BLTP1: variants seen among roughly 807,000 people sequenced by gnomAD.
BLTP1 encodes the protein fragile site-associated protein.
chr4:122,327,365 G>C, the BLTP1 span, among the ~76,000 whole-genome samples: 1 of 151,750 alleles, frequency 6.6e-6, no homozygotes, highest in South Asian at 2.1e-4. Context: ...ATAATGCCTA[G>C]TAGTACACTT....
chr4:122,200,033 A>G, the BLTP1 span: 2 of 975,642 alleles, frequency 2.0e-6, no homozygotes, highest in Admixed American at 6.2e-5. Context: ...CTGCTATGTA[A>G]AATGGTTAAT....
At chr4:122,336,066 T>G in the BLTP1 span, 1 of 654,038 alleles carries the variant, frequency 1.5e-6, no homozygotes, top group Non-Finnish European at 2.5e-6. Flanking sequence ...CCTGCTACTT[T>G]TATTATTTTC....
chr4:122,324,681 C>G, the BLTP1 span: 1 of 582,174 alleles, frequency 1.7e-6, no homozygotes, highest in Non-Finnish European at 2.8e-6. Context: ...TGGATACTAT[C>G]AAACTCAGAA....
At chr4:122,330,462 C>T in the BLTP1 span, among the ~76,000 whole-genome samples, 1 of 151,872 alleles carries the variant, frequency 6.6e-6, no homozygotes, top group Non-Finnish European at 1.5e-5. Flanking sequence ...TTTTGGTTTG[C>T]ATTTCCTTGA....
the BLTP1 span, chr4:122,189,998 A>G: frequency 3.2e-6 from 5 of 1,574,262 alleles, no homozygotes; most frequent in Non-Finnish European, 4.3e-6. Context: ...ACCTTCTTAT[A>G]GACCACCGAG....
At chr4:122,324,756 A>G in the BLTP1 span, among the ~76,000 whole-genome samples, 1 of 152,108 alleles carries the variant, frequency 6.6e-6, no homozygotes, top group Middle Eastern at 3.4e-3. Flanking sequence ...TTAGTAATGA[A>G]GTACGCTGCT....
chr4:122,232,837 A>T, the BLTP1 span, among the ~76,000 whole-genome samples: 52 of 152,238 alleles, frequency 3.4e-4, no homozygotes, highest in African/African-American at 1.1e-3. Context: ...TGTCATACCC[A>T]GCAGGAACAT....
the BLTP1 span, chr4:122,187,882 T>TA: frequency 5.8e-6 from 9 of 1,553,002 alleles, no homozygotes; most frequent in Admixed American, 2.1e-5. Context: ...TCTGTTTATT[T>TA]TTTTTTTTTT....
the BLTP1 span, among the ~76,000 whole-genome samples, chr4:122,285,726 G>A: frequency 2.6e-5 from 4 of 152,292 alleles, no homozygotes; most frequent in East Asian, 5.8e-4. Context: ...ATGTTTGAGT[G>A]GAGAGAATTG....
chr4:122,272,213 G>A, the BLTP1 span: 6 of 1,613,122 alleles, frequency 3.7e-6, no homozygotes, highest in Non-Finnish European at 4.2e-6. Context: ...GAATGAACAA[G>A]ACAACAGCAG....
chr4:122,236,824 A>T, the BLTP1 span: 1 of 985,152 alleles, frequency 1.0e-6, no homozygotes, highest in African/African-American at 1.7e-5. Flanking sequence ...CTTAGTAGTG[A>T]GTTGTAATTG....
At chr4:122,152,404 G>C in the BLTP1 span, 2 of 985,930 alleles carry the variant, frequency 2.0e-6, no homozygotes, top group African/African-American at 1.7e-5. Context: ...GCTGCGGCCA[G>C]GGTCTGGACC....
At chr4:122,348,888 T>C in the BLTP1 span, 13 of 549,292 alleles carry the variant, frequency 2.4e-5, no homozygotes, top group South Asian at 3.4e-5. Flanking sequence ...GATACTGCAA[T>C]ATAAAACATC....
the BLTP1 span, among the ~76,000 whole-genome samples, chr4:122,243,275 A>G: frequency 6.6e-6 from 1 of 152,254 alleles, no homozygotes; most frequent in African/African-American, 2.4e-5. Flanking sequence ...GTAACTTGGC[A>G]TATCAAAATT....
At chr4:122,322,664 G>A in the BLTP1 span, among the ~76,000 whole-genome samples, 1 of 152,136 alleles carries the variant, frequency 6.6e-6, no homozygotes, top group Non-Finnish European at 1.5e-5. Flanking sequence ...GTCAGGGTAA[G>A]AGAAGCATTT....
chr4:122,274,502 A>G, the BLTP1 span: 1 of 1,550,650 alleles, frequency 6.4e-7, no homozygotes, highest in Non-Finnish European at 8.6e-7. Context: ...TTCTTTGGAT[A>G]AACATGCTGA....
chr4:122,245,268 A>G, the BLTP1 span: 1 of 722,904 alleles, frequency 1.4e-6, no homozygotes, highest in Non-Finnish European at 2.3e-6. Flanking sequence ...AAGCGTTTAT[A>G]TGTCATTGGC....
chr4:122,194,224 A>G, the BLTP1 span, among the ~76,000 whole-genome samples: 1 of 152,180 alleles, frequency 6.6e-6, no homozygotes, highest in Non-Finnish European at 1.5e-5. Flanking sequence ...TATTCTATTA[A>G]TCTTGTTATC....
At chr4:122,301,070 A>T in the BLTP1 span, 2 of 915,858 alleles carry the variant, frequency 2.2e-6, no homozygotes, top group African/African-American at 3.6e-5. Flanking sequence ...TGGTTCAATA[A>T]TATATACAGT....
Sources: allele counts gnomAD v4.1 joint callset (sites outside exome capture counted in the v4.1 genomes callset), GRCh38; gene constraint gnomAD v4.1.1; transcripts MANE v1.5; gene names NCBI Gene and HGNC (gene_info 2026-07-23, HGNC 2026-07-21).